Variants in CLSTN3 observed in about 807,000 individuals in gnomAD.
CLSTN3 encodes calsyntenin-3.
A neutral mutation model predicts 95.9 loss-of-function variants in CLSTN3; 36 were observed. That is an observed-to-expected ratio of 0.38 (90% CI 0.29 to 0.50). The LOEUF (loss-of-function observed/expected upper bound fraction) is 0.50, where lower values mean the gene tolerates loss of function less well. Ranked by LOEUF, CLSTN3 falls within the 20% of genes least tolerant of loss-of-function variation. CLSTN3 has a pLI of 0.95. For synonymous variants in CLSTN3, 481 were observed against 504.0 expected, an observed-to-expected ratio of 0.95 and a Z score of 0.61; for missense variants, 1,084 against 1,268.8, an observed-to-expected ratio of 0.85 and a Z score of 2.21.
chr12:7,145,370 T>C (rs77910503), intron 12 of CLSTN3, among the ~76,000 whole-genome samples: 3,142 of 105,482 alleles, frequency 0.03, 112 homozygotes, highest in African/African-American at 0.091. Context: ...TGTGTGTGTG[T>C]GCGCGCGCAT....
At position 7,131,765 on chromosome 12, in the gene CLSTN3, T is replaced by G. The variant is rs773113997; in HGVS notation, c.64+1053T>G. ...GCCTCGCCTCCTAGCCTCCTGCCACTTCCTGTACCGCCTCCTGTGCACCAT... is the reference window on the plus strand; with the variant it reads ...GCCTCGCCTCCTAGCCTCCTGCCACGTCCTGTACCGCCTCCTGTGCACCAT... On this transcript the variant is annotated intron_variant, in intron 1 of 17. Transcript: ENST00000266546. The G allele has an allele frequency of 1.3e-3, 571 of 443,180 alleles. 1 individual carries two copies. Among genetic ancestry groups the G allele is most frequent in the African/African-American group, 0.01 (467 of 45,842 alleles). 27.5% of individuals were successfully genotyped at this position (443,180 alleles called of 1,614,324 possible). A position where few individuals can be genotyped will look rare whatever the true frequency, so the allele number is the denominator to read the frequency against.
rs748437288 is a variant in CLSTN3 at position 7,136,404 on chromosome 12, C to G, written c.928+13C>G. On this transcript the variant is annotated intron_variant, in intron 6 of 17. Transcript: ENST00000266546. ...CGGAAACTCTGTGGTAGGTGTGCCC[C>G]CAACACTGCCTCAGGCCTATCCCTT... 9.4e-6 allele frequency: 15 copies of G among 1,593,584 alleles called. No individual in the cohort carries two copies. Among genetic ancestry groups the G allele is most frequent in the African/African-American group, 1.3e-5 (1 of 74,518 alleles).
intron 8 of CLSTN3, among the ~76,000 whole-genome samples, chr12:7,140,276 AG>A (rs1939503959): frequency 6.6e-6 from 1 of 152,152 alleles, no homozygotes; most frequent in South Asian, 2.1e-4. Flanking sequence ...GAGTTGGGAA[AG>A]GGCATGGACT....
chr12:7,130,333 G>A (rs976435408), upstream of CLSTN3: 32 of 1,090,974 alleles, frequency 2.9e-5, no homozygotes, highest in African/African-American at 3.3e-5. Context: ...CTGATTGGCC[G>A]GCGGCCCCAT....
At position 7,136,177 on chromosome 12, in the gene CLSTN3, C is replaced by T. The variant is rs61917923; in HGVS notation, c.743-29C>T. 12,663 of 1,605,092 alleles carry T rather than the reference C, an allele frequency of 7.9e-3. 69 individuals carry two copies. The highest frequency in any genetic ancestry group is 9.0e-3 in the Non-Finnish European group (10,541 of 1,174,578). On this transcript the variant is annotated intron_variant, in intron 5 of 17. Transcript: ENST00000266546. ...GAGGCTGCTTTACCCTTCTCTCTCC[C>T]CATCACCCTCTCTGTCTCACCCATG... is the stretch of plus-strand genomic sequence containing the variant.
chr12:7,137,188 C>T lies in CLSTN3; in HGVS notation c.1210+78C>T, dbSNP rs1939444651. On this transcript the variant is annotated intron_variant, in intron 7 of 17. Transcript: ENST00000266546. This position sits in a 1 kb window ranked among gnomAD's most constrained non-coding sequence, Gnocchi z 4.4. ...GCCTCTGTCACTGCCCAGTGTGTGA[C>T]TGTGAACAGGTCACTTCCCCTCTCT... is the stretch of plus-strand genomic sequence containing the variant. 9 of 1,443,530 alleles carry T rather than the reference C, an allele frequency of 6.2e-6. No homozygotes were observed. In the South Asian group the frequency reaches 7.7e-5, roughly 12 times the overall value. 89.4% of individuals were successfully genotyped at this position (1,443,530 alleles called of 1,614,324 possible).
In CLSTN3 at chr12:7,131,266, T is replaced by G. The variant is rs1939295127; in HGVS notation, c.64+554T>G. 5 of 208,794 alleles carry G rather than the reference T, an allele frequency of 2.4e-5. No individual in the cohort carries two copies. The South Asian group carries it at 2.9e-4, about 12-fold the overall frequency. The allele number at this position is 208,794 out of a possible 1,614,324, so 12.9% of individuals were successfully genotyped here. ...TGTGGGTTACCAGAGCTGCCCTCTCTGGCAGACAGCGGATACATTCAGCTG... is the reference window on the plus strand; with the variant it reads ...TGTGGGTTACCAGAGCTGCCCTCTCGGGCAGACAGCGGATACATTCAGCTG... On this transcript the variant is annotated intron_variant, in intron 1 of 17. Coordinates refer to ENST00000266546, the MANE Select transcript of CLSTN3 (RefSeq NM_014718.4).
chr12:7,140,559 C>T (rs1449801757), intron 8 of CLSTN3, among the ~76,000 whole-genome samples: 1 of 152,108 alleles, frequency 6.6e-6, no homozygotes, highest in Non-Finnish European at 1.5e-5. Context: ...TGACCATCCC[C>T]CATTCCATCT....
rs1220583566 is a variant in CLSTN3, at chr12:7,143,045, G to A, written c.1698+19G>A. ...CATGAAGGTATTGCCCCATCCTCTA[G>A]CCCTGTTCTTCCCAGCATGCCCCTT... On this transcript the variant is annotated intron_variant, in intron 11 of 17. Coordinates refer to ENST00000266546, the MANE Select transcript of CLSTN3 (RefSeq NM_014718.4). 1 of 1,607,676 alleles carries A rather than the reference G, an allele frequency of 6.2e-7. No individual in the cohort carries two copies. Among genetic ancestry groups the A allele is most frequent in the Non-Finnish European group, 8.5e-7 (1 of 1,175,850 alleles).
Position 7,149,185 on chromosome 12 carries a change from T to A in CLSTN3, c.2061T>A (p.Ser687Arg), listed in dbSNP as rs1939678723. Residue 687 changes from serine (S) to arginine (R), a missense_variant, in exon 13 of 18, where the codon AGT becomes AGA. Coordinates refer to ENST00000266546, the MANE Select transcript of CLSTN3 (RefSeq NM_014718.4). The surrounding 1 kb of genome is among the most constrained non-coding windows in gnomAD (Gnocchi z 4.5). ...AGGTGGAGGCCAAAAAGGATGAGAG[T>A]TGGCAGGGCACAGGTAAGGACGACT... Reference protein sequence around the residue: ...SHQVEAKKDESWQGTVTDTRM... With the variant: ...SHQVEAKKDERWQGTVTDTRM... 6.2e-7 allele frequency: 1 copy of A among 1,613,930 alleles called. No individual in the cohort carries two copies. The highest frequency in any genetic ancestry group is 8.5e-7 in the Non-Finnish European group (1 of 1,179,946).
chr12:7,139,656 A>ATTATTT (rs761339930), intron 8 of CLSTN3, among the ~76,000 whole-genome samples: 4 of 143,182 alleles, frequency 2.8e-5, no homozygotes, highest in Non-Finnish European at 6.0e-5. Context: ...TATTATTATT[A>ATTATTT]TTTTTTTTTT....
intron 3 of CLSTN3, among the ~76,000 whole-genome samples, chr12:7,134,506 G>T (rs1939367011): frequency 6.6e-6 from 1 of 152,228 alleles, no homozygotes; most frequent in African/African-American, 2.4e-5. Flanking sequence ...GGGCCTGGGA[G>T]CCTGGGTCTT....
At chr12:7,140,764 G>A (rs2135802771) in intron 8 of CLSTN3, among the ~76,000 whole-genome samples, 1 of 152,250 alleles carries the variant, frequency 6.6e-6, no homozygotes, top group Admixed American at 6.5e-5. Context: ...AAAATTAGCT[G>A]GACATGGTGG....
At position 7,136,928 on chromosome 12, in the gene CLSTN3, T is replaced by C; in HGVS notation, c.1028T>C (p.Ile343Thr). The change falls in exon 7 of 18, where the codon ATC becomes ACC. Residue 343 changes from isoleucine to threonine, a missense_variant. Coordinates refer to ENST00000266546, the MANE Select transcript of CLSTN3 (RefSeq NM_014718.4). Reference protein sequence around the residue: ...SVHYSQDSSLIYWFNGTQAVQ... With the variant: ...SVHYSQDSSLTYWFNGTQAVQ... ...CACTACAGCCAGGACAGCAGCCTGATCTACTGGTTCAATGGCACCCAGGCT... is the reference window on the plus strand; with the variant it reads ...CACTACAGCCAGGACAGCAGCCTGACCTACTGGTTCAATGGCACCCAGGCT... 6.2e-7 allele frequency: 1 copy of C among 1,614,114 alleles called. No homozygotes were observed. Among genetic ancestry groups the C allele is most frequent in the Non-Finnish European group, 8.5e-7 (1 of 1,180,006 alleles).
chr12:7,136,331 C>G lies in CLSTN3; in HGVS notation c.868C>G (p.His290Asp). 6.2e-7 allele frequency: 1 copy of G among 1,614,204 alleles called. No homozygotes were observed. The highest frequency in any genetic ancestry group is 8.5e-7 in the Non-Finnish European group (1 of 1,180,032). Reference sequence around the variant, plus strand: ...GGCCACCATAGAGCTGCAGACCAGCCATGTGGCCAAGGGCTGTGACCGTGA... The same window carrying G: ...GGCCACCATAGAGCTGCAGACCAGCGATGTGGCCAAGGGCTGTGACCGTGA... Reference protein sequence around the residue: ...IQATIELQTSHVAKGCDRDNY... With the variant: ...IQATIELQTSDVAKGCDRDNY... The change falls in exon 6 of 18, where the codon CAT becomes GAT. Residue 290 changes from histidine to aspartate, a missense_variant. Physicochemically the swap from His to Asp is moderately conservative, Grantham distance 81. Coordinates refer to ENST00000266546, the MANE Select transcript of CLSTN3 (RefSeq NM_014718.4).
In CLSTN3 at chr12:7,142,132, C is replaced by T. The variant is rs1393797216; in HGVS notation, c.1533C>T (p.Thr511=). 1.9e-6 allele frequency: 3 copies of T among 1,609,192 alleles called. No individual in the cohort carries two copies. The highest frequency in any genetic ancestry group is 2.5e-6 in the Non-Finnish European group (3 of 1,176,532). The part of the protein sequence containing the change: ...EKEKGDNSTD[T]TQGDPLSIHH... Reference sequence around the variant, plus strand: ...AAAAGGGAGACAACAGTACAGACACCACCCAAGGTACTCCGTGTGTAAGAA... The same window carrying T: ...AAAAGGGAGACAACAGTACAGACACTACCCAAGGTACTCCGTGTGTAAGAA... The change falls in exon 10 of 18, where the codon ACC becomes ACT. Residue 511 remains threonine, a synonymous_variant. Transcript: ENST00000266546.
upstream of CLSTN3, chr12:7,129,584 T>G: frequency 5.1e-6 from 5 of 982,932 alleles, no homozygotes; most frequent in Non-Finnish European, 4.8e-6. The surrounding 1 kb of genome is among the most constrained non-coding windows in gnomAD (Gnocchi z 5.5). Flanking sequence ...GAGTCATCGA[T>G]GAGACCGTAA....
At chr12:7,130,263 C>T (rs1449190608), upstream of CLSTN3, 2 of 588,418 alleles carry the variant, frequency 3.4e-6, no homozygotes, top group Admixed American at 4.0e-5. Flanking sequence ...AGCCCCGACG[C>T]CCCAGTCTCA....
intron 12 of CLSTN3, 48 bp downstream of exon 12, chr12:7,143,359 T>C (rs755850757): frequency 8.3e-6 from 13 of 1,575,134 alleles, no homozygotes; most frequent in Middle Eastern, 2.1e-4. Flanking sequence ...AGCCAGACAG[T>C]GTCACAGCTC....
Sources: gnomAD v4.1 joint callset for allele counts (sites outside exome capture counted in the v4.1 genomes callset) on GRCh38, gnomAD v4.1.1 for gene constraint, Gnocchi (gnomAD v3.1) non-coding constraint, MANE v1.5 for transcripts, NCBI Gene and HGNC (gene_info 2026-07-23, HGNC 2026-07-21) for gene names.